Variants in KIF1C observed in about 807,000 individuals in gnomAD.
KIF1C encodes the protein kinesin family member 1C, also known as kinesin-like protein KIF1C.
Under a neutral mutation model 126.5 loss-of-function variants are expected in KIF1C, and 61 were observed. The observed-to-expected ratio is 0.48, with a 90% confidence interval of 0.39 to 0.60. The LOEUF (loss-of-function observed/expected upper bound fraction) is 0.60, where lower values mean the gene tolerates loss of function less well. Ranked by LOEUF, KIF1C falls within the 20% of genes least tolerant of loss-of-function variation. The pLI, the probability that KIF1C is intolerant of heterozygous loss-of-function variation, is 0.00. For missense variants in KIF1C, 1,315 were observed against 1,489.2 expected (o/e 0.88, Z 1.93); for synonymous variants, 640 against 580.6 (o/e 1.10, Z -1.47).
intron 2 of KIF1C, 95 bp downstream of exon 2, chr17:5,000,065 T>G: frequency 1.7e-6 from 1 of 594,224 alleles, no homozygotes; most frequent in African/African-American, 1.9e-5. Flanking sequence ...ACAGTGACAT[T>G]TGGGAGGAAA....
intron 18 of KIF1C, chr17:5,019,736 G>C (rs1975049051): frequency 9.7e-6 from 5 of 514,656 alleles, no homozygotes; most frequent in East Asian, 6.8e-5. Flanking sequence ...CTAAGCTGCT[G>C]CTGGGGAGGA....
chr17:5,020,466 T>A lies in KIF1C; in HGVS notation c.1751-26T>A. 6.3e-7 allele frequency: 1 copy of A among 1,588,060 alleles called. No homozygotes were observed. The highest frequency in any genetic ancestry group is 8.6e-7 in the Non-Finnish European group (1 of 1,164,004). ...GATTTGGTGCTGATGGGAAGCGAGT[T>A]TACTTTTCCCTCCTCCCATCTCTAG... On this transcript the variant is annotated intron_variant, in intron 19 of 22. Coordinates refer to ENST00000320785, the MANE Select transcript of KIF1C (RefSeq NM_006612.6). This position sits in a 1 kb window ranked among gnomAD's most constrained non-coding sequence, Gnocchi z 5.8.
At position 5,023,209 on chromosome 17, in the gene KIF1C, C is replaced by T. The variant is rs1391221570; in HGVS notation, c.2629-259C>T. ...TTTTTTTTTTGTATTTTAGTAGAGA[C>T]GGGGTTTCACCATGTTGGCCAGGAT... On this transcript the variant is annotated intron_variant, in intron 22 of 22. Coordinates refer to ENST00000320785, the MANE Select transcript of KIF1C (RefSeq NM_006612.6). The surrounding 1 kb of genome is among the most constrained non-coding windows in gnomAD (Gnocchi z 4.2). Among the ~76,000 whole-genome samples the T allele has an allele frequency of 1.3e-5, 2 of 151,986 alleles. No individual in the cohort carries two copies. Among genetic ancestry groups the T allele is most frequent in the African/African-American group, 2.4e-5 (1 of 41,436 alleles).
intron 1 of KIF1C, chr17:4,999,164 A>G (rs1415589460): frequency 2.6e-5 from 4 of 152,558 alleles, no homozygotes; most frequent in African/African-American, 7.2e-5. Flanking sequence ...GGGGCTGGGC[A>G]AGGGGCTTAG....
intron 16 of KIF1C, chr17:5,012,199 C>T (rs539930465): frequency 2.0e-5 from 3 of 152,302 alleles, no homozygotes; most frequent in African/African-American, 7.2e-5. Flanking sequence ...CATCTCTGTA[C>T]CCCGCCTAGC....
At chr17:5,003,950 G>A (rs1402131339) in intron 10 of KIF1C, 34 bp downstream of exon 10, 2 of 1,611,410 alleles carry the variant, frequency 1.2e-6, no homozygotes, top group East Asian at 2.2e-5. Flanking sequence ...AGGGGCTTGG[G>A]AAAGGGGAGT....
chr17:5,021,112 A>G (rs1788221251), intron 21 of KIF1C, among the ~76,000 whole-genome samples: 2 of 150,822 alleles, frequency 1.3e-5, no homozygotes. Flanking sequence ...TCTCGTGCCA[A>G]GTTTATGATT....
Position 5,025,723 on chromosome 17 carries a change from G to A in KIF1C, c.*1572G>A, listed in dbSNP as rs1291582416. On this transcript the variant is annotated 3_prime_UTR_variant, in exon 23 of 23. Coordinates refer to ENST00000320785, the MANE Select transcript of KIF1C (RefSeq NM_006612.6). The stretch of plus-strand genomic sequence containing the variant: ...TAGTCCCAGCTACTCAGGAGGCTGA[G>A]GCAGGAGAATGGCATGAACCTGGGA... 1 of 152,216 alleles carries A rather than the reference G, an allele frequency of 6.6e-6. No individual in the cohort carries two copies. Among genetic ancestry groups the A allele is most frequent in the Non-Finnish European group, 1.5e-5 (1 of 68,052 alleles). The allele number at this position is 152,216 out of a possible 1,614,324, so 9.4% of individuals were successfully genotyped here.
At position 5,020,743 on chromosome 17, in the gene KIF1C, G is replaced by C; in HGVS notation, c.1938-63G>C. On this transcript the variant is annotated intron_variant, in intron 20 of 22. Transcript: ENST00000320785. This position sits in a 1 kb window ranked among gnomAD's most constrained non-coding sequence, Gnocchi z 5.8. ...CCGTCCCTCCCGGGCCTCTGGGCCC[G>C]TGTCCTCCTCTTGTCAGATACTCAC... is the stretch of plus-strand genomic sequence containing the variant. 6.2e-7 allele frequency: 1 copy of C among 1,605,946 alleles called. No homozygotes were observed. The highest frequency in any genetic ancestry group is 8.5e-7 in the Non-Finnish European group (1 of 1,175,524).
At chr17:5,000,990 AC>A (rs1460484309) in intron 4 of KIF1C, 142 bp downstream of exon 4, 39 of 961,902 alleles carry the variant, frequency 4.1e-5, no homozygotes, top group Non-Finnish European at 6.1e-5. Flanking sequence ...GGGTGGTAGG[AC>A]CCTTAGGCTG....
intron 16 of KIF1C, among the ~76,000 whole-genome samples, chr17:5,013,417 G>A (rs551675839): frequency 6.6e-6 from 1 of 152,262 alleles, no homozygotes; most frequent in South Asian, 2.1e-4. Context: ...TGTGTGAGGA[G>A]AGGGTGGATC....
At chr17:5,016,720 A>G (rs1383016375) in intron 18 of KIF1C, among the ~76,000 whole-genome samples, 1 of 150,822 alleles carries the variant, frequency 6.6e-6, no homozygotes, top group African/African-American at 2.4e-5. Context: ...CCTGGCCAAC[A>G]TGGTGGAACC....
chr17:5,003,342 C>A (rs1270742601), intron 8 of KIF1C, among the ~76,000 whole-genome samples: 1 of 152,194 alleles, frequency 6.6e-6, no homozygotes, highest in African/African-American at 2.4e-5. Context: ...CCACCACACC[C>A]GGCTGTTCTT....
At chr17:5,014,662 T>C in intron 17 of KIF1C, 81 bp from the exon 18 acceptor site, 2 of 1,003,194 alleles carry the variant, frequency 2.0e-6, no homozygotes, top group Admixed American at 4.1e-5. Context: ...CTTGGTTCAT[T>C]GAGTTGGATA....
chr17:5,010,371 A>G (rs1597852745), intron 16 of KIF1C, among the ~76,000 whole-genome samples: 2 of 152,330 alleles, frequency 1.3e-5, no homozygotes, highest in Admixed American at 6.5e-5. Context: ...AAAAAAGGCT[A>G]CAATGCATAG....
chr17:5,017,594 C>T (rs371618186), intron 18 of KIF1C, among the ~76,000 whole-genome samples: 5 of 152,058 alleles, frequency 3.3e-5, no homozygotes, highest in Non-Finnish European at 7.4e-5. Flanking sequence ...GTGAGCCACG[C>T]GCCCAGCCTG....
chr17:5,016,919 AAG>A (rs1183935778), intron 18 of KIF1C, among the ~76,000 whole-genome samples: 2 of 151,792 alleles, frequency 1.3e-5, no homozygotes, highest in African/African-American at 4.8e-5. Context: ...AAAAAAAAAA[AAG>A]ACATGCCTCT....
chr17:5,019,209 A>G (rs1975038904), intron 18 of KIF1C: 1 of 167,574 alleles, frequency 6.0e-6, no homozygotes, highest in Admixed American at 6.5e-5. Context: ...ATAATAAAAC[A>G]CATGTTTGCA....
chr17:5,007,127 C>T, intron 14 of KIF1C, 43 bp downstream of exon 14: 2 of 1,579,850 alleles, frequency 1.3e-6, no homozygotes, highest in Non-Finnish European at 1.7e-6. Flanking sequence ...CTGGGCATTC[C>T]TGGGAGTTTA....
Sources: allele counts gnomAD v4.1 joint callset (sites outside exome capture counted in the v4.1 genomes callset), GRCh38; gene constraint gnomAD v4.1.1; non-coding constraint Gnocchi (gnomAD v3.1); transcripts MANE v1.5; gene names NCBI Gene and HGNC (gene_info 2026-07-23, HGNC 2026-07-21).